FBXO9: variants seen among roughly 807,000 people sequenced by gnomAD.
FBXO9 encodes the protein F-box only protein 9.
A neutral mutation model predicts 63.7 loss-of-function variants in FBXO9; 43 were observed. That is an observed-to-expected ratio of 0.67 (90% CI 0.53 to 0.87). The LOEUF is 0.87. Among genes scored for constraint, FBXO9 ranks in the 40% least tolerant of loss-of-function variants. The pLI, the probability that FBXO9 is intolerant of heterozygous loss-of-function variation, is 0.00. For missense variants in FBXO9, 442 were observed against 533.2 expected (o/e 0.83, Z 1.68); for synonymous variants, 156 against 171.7 (o/e 0.91, Z 0.72).
At chr6:53,096,244 G>A (rs904288792) in intron 12 of FBXO9, among the ~76,000 whole-genome samples, 1 of 152,162 alleles carries the variant, frequency 6.6e-6, no homozygotes, top group Non-Finnish European at 1.5e-5. Context: ...TGAGAAAGGA[G>A]CCATACAGAA....
chr6:53,093,146 T>C (rs1763095057), intron 9 of FBXO9: 1 of 390,774 alleles, frequency 2.6e-6, no homozygotes, highest in Non-Finnish European at 4.5e-6. Flanking sequence ...TTAACCGTTG[T>C]GTGTGGCTCT....
intron 7 of FBXO9, among the ~76,000 whole-genome samples, chr6:53,087,440 AAG>A (rs1160383998): frequency 2.0e-5 from 3 of 152,094 alleles, no homozygotes; most frequent in Non-Finnish European, 4.4e-5. Context: ...AGTTGACAAA[AAG>A]GTTGAAAGAG....
rs530045997 is a variant in FBXO9, at chr6:53,067,389, T to C, written c.3+1597T>C. 2.0e-5 allele frequency among the ~76,000 whole-genome samples: 3 copies of C among 152,310 alleles called. No individual in the cohort carries two copies. The East Asian group carries it at 5.8e-4, about 29-fold the overall frequency. ...TAGTAAATGAAACAGCCAACCTCAG[T>C]ACAAATGTTGTGATAAAAGTAAGCA... On this transcript the variant is annotated intron_variant, in intron 1 of 12. Coordinates refer to ENST00000323557, the MANE Select transcript of FBXO9 (RefSeq NM_033480.3).
In FBXO9 at chr6:53,071,778, A is replaced by T. The variant is rs143228407; in HGVS notation, c.90+635A>T. ...GACTGGTGATATGGATCAAAATGAA[A>T]AACATGCATTCCCTTGATACAGCAA... On this transcript the variant is annotated intron_variant, in intron 2 of 12. Transcript: ENST00000323557. 2.5e-3 allele frequency among the ~76,000 whole-genome samples: 381 copies of T among 152,372 alleles called. 4 individuals are homozygous for T. Among genetic ancestry groups the T allele is most frequent in the African/African-American group, 8.8e-3 (365 of 41,588 alleles).
chr6:53,080,060 TAA>T (rs1436419241), intron 5 of FBXO9, among the ~76,000 whole-genome samples: 2 of 152,130 alleles, frequency 1.3e-5, no homozygotes, highest in African/African-American at 2.4e-5. Flanking sequence ...CAGATGCTGT[TAA>T]GAAAGATTGT....
intron 7 of FBXO9, among the ~76,000 whole-genome samples, chr6:53,090,719 C>T (rs997310111): frequency 6.6e-6 from 1 of 152,258 alleles, no homozygotes; most frequent in Middle Eastern, 3.4e-3. Flanking sequence ...CTTGTTCTGT[C>T]GCCCAGGCTG....
At chr6:53,093,191 CAG>C (rs1763096316) in intron 9 of FBXO9, 1 of 402,354 alleles carries the variant, frequency 2.5e-6, no homozygotes, top group African/African-American at 2.1e-5. Flanking sequence ...GGGAAAAACA[CAG>C]AACTTTAATA....
chr6:53,085,180 A>G (rs1410178774), intron 7 of FBXO9, among the ~76,000 whole-genome samples: 1 of 152,216 alleles, frequency 6.6e-6, no homozygotes, highest in Admixed American at 6.5e-5. Flanking sequence ...CGTCATAAAG[A>G]CATTCTCTTC....
chr6:53,077,319 A>G (rs1159539354), intron 4 of FBXO9, among the ~76,000 whole-genome samples: 1 of 151,784 alleles, frequency 6.6e-6, no homozygotes. Flanking sequence ...CTAAAAATAC[A>G]AAAAATTAGC....
chr6:53,082,676 G>A, intron 7 of FBXO9, 58 bp downstream of exon 7: 1 of 1,218,624 alleles, frequency 8.2e-7, no homozygotes, highest in Non-Finnish European at 1.2e-6. Flanking sequence ...AAAGAAAGAT[G>A]GTCCTTTGCC....
At chr6:53,081,336 A>G (rs920329460) in intron 6 of FBXO9, among the ~76,000 whole-genome samples, 15 of 152,132 alleles carry the variant, frequency 9.9e-5, no homozygotes, top group Non-Finnish European at 1.8e-4. Context: ...CAGTGGTGCA[A>G]TCTCGGCTCA....
At chr6:53,095,253 A>G (rs1434870432) in intron 11 of FBXO9, among the ~76,000 whole-genome samples, 1 of 152,204 alleles carries the variant, frequency 6.6e-6, no homozygotes, top group Non-Finnish European at 1.5e-5. Flanking sequence ...TTAAGCTAGT[A>G]AATAGAAATA....
In FBXO9 at chr6:53,097,896, A is replaced by T; in HGVS notation, c.*66A>T. Reference sequence around the variant, plus strand: ...AGTATATAGCGCAAAAGAGCACCTAAGTTATAAATGTGTGTGTGTGCGTGT... The same window carrying T: ...AGTATATAGCGCAAAAGAGCACCTATGTTATAAATGTGTGTGTGTGCGTGT... On this transcript the variant is annotated 3_prime_UTR_variant, in exon 13 of 13. Transcript: ENST00000323557. The T allele has an allele frequency of 1.9e-6, 1 of 529,660 alleles. No homozygotes were observed. The highest frequency in any genetic ancestry group is 2.2e-5 in the South Asian group (1 of 45,806). 32.8% of individuals were successfully genotyped at this position (529,660 alleles called of 1,614,324 possible).
intron 6 of FBXO9, among the ~76,000 whole-genome samples, chr6:53,081,719 G>A (rs1386919182): frequency 6.6e-6 from 1 of 152,246 alleles, no homozygotes; most frequent in Non-Finnish European, 1.5e-5. Context: ...CTGGTATCAT[G>A]AAGCATTTCA....
Position 53,090,501 on chromosome 6 carries a change from A to C in FBXO9, c.654-1928A>C, listed in dbSNP as rs146208465. On this transcript the variant is annotated intron_variant, in intron 7 of 12. Coordinates refer to ENST00000323557, the MANE Select transcript of FBXO9 (RefSeq NM_033480.3). ...TCCCACTGCTTAATTTGCCTAGCTT[A>C]AAAACAAAAACAAAGAAAGAAAGAA... Among the ~76,000 whole-genome samples, 1,480 of 152,334 alleles carry C rather than the reference A, an allele frequency of 9.7e-3. 20 individuals carry two copies. The highest frequency in any genetic ancestry group is 0.024 in the Middle Eastern group (7 of 294).
chr6:53,085,077 A>C (rs1487678757), intron 7 of FBXO9, among the ~76,000 whole-genome samples: 1 of 152,204 alleles, frequency 6.6e-6, no homozygotes, highest in Non-Finnish European at 1.5e-5. Context: ...AACTTATATA[A>C]ATAAAAATAA....
intron 4 of FBXO9, among the ~76,000 whole-genome samples, chr6:53,078,073 T>A (rs1174138500): frequency 2.0e-5 from 3 of 152,218 alleles, no homozygotes; most frequent in African/African-American, 7.2e-5. Flanking sequence ...AAGGATAATT[T>A]AAAAACAAAA....
chr6:53,072,213 CTTTT>C (rs34575699), intron 2 of FBXO9, among the ~76,000 whole-genome samples: 1 of 117,582 alleles, frequency 8.5e-6, no homozygotes, highest in Non-Finnish European at 1.9e-5. Context: ...CTAGATACGT[CTTTT>C]TTTAAAAAAA....
At chr6:53,097,633 A>C in intron 12 of FBXO9, 89 bp from the exon 13 acceptor site, 1 of 671,440 alleles carries the variant, frequency 1.5e-6, no homozygotes, top group Admixed American at 3.1e-5. Flanking sequence ...AAAAAGGCTA[A>C]AGCATAGAAT....
Sources: allele counts gnomAD v4.1 joint callset (sites outside exome capture counted in the v4.1 genomes callset), GRCh38; gene constraint gnomAD v4.1.1; transcripts MANE v1.5; gene names NCBI Gene and HGNC (gene_info 2026-07-23, HGNC 2026-07-21).